The following KIF13A variants were observed in gnomAD, a reference collection of about 807,000 sequenced individuals.
KIF13A encodes kinesin family member 13A.
In KIF13A, 79 loss-of-function variants were observed where a neutral mutation model predicts 212.2. The ratio of observed to expected loss-of-function variants is 0.37; its 90% CI spans 0.31 to 0.45. The LOEUF (loss-of-function observed/expected upper bound fraction) is 0.45. Ranked by LOEUF, KIF13A falls within the 20% of genes least tolerant of loss-of-function variation. KIF13A has a pLI of 1.00. For missense variants in KIF13A, 1,901 were observed against 2,209.0 expected, an observed-to-expected ratio of 0.86 and a Z score of 2.79; for synonymous variants, 789 against 808.6, an observed-to-expected ratio of 0.98 and a Z score of 0.41.
At chr6:17,844,167 T>G (rs542918541) in intron 9 of KIF13A, among the ~76,000 whole-genome samples, 48 of 152,144 alleles carry the variant, frequency 3.2e-4, no homozygotes, top group Admixed American at 1.8e-3. Flanking sequence ...AAAGCAGAAA[T>G]GGAAAAGAAT....
At chr6:17,760,105 T>C (rs938773962), downstream of KIF13A, 88 of 152,316 alleles carry the variant, frequency 5.8e-4, 1 homozygote, top group Admixed American at 4.8e-3. Context: ...GGACAGAGAA[T>C]GGCAGCACGT....
intron 2 of KIF13A, among the ~76,000 whole-genome samples, chr6:17,962,401 GAGA>G (rs1199279916): frequency 1.3e-5 from 2 of 152,212 alleles, no homozygotes; most frequent in Admixed American, 6.5e-5. Context: ...AAAGGCTGAG[GAGA>G]AGAAGCAATA....
At position 17,865,334 on chromosome 6, in the gene KIF13A, A is replaced by AAT. The variant is rs1554186865; in HGVS notation, c.220+8042_220+8043insAT. Among the ~76,000 whole-genome samples, 180 of 116,720 alleles carry AAT rather than the reference A, an allele frequency of 1.5e-3. 2 individuals are homozygous for AAT. Among genetic ancestry groups the AAT allele is most frequent in the African/African-American group, 5.3e-3 (162 of 30,800 alleles). 76.6% of individuals were successfully genotyped at this position (116,720 alleles called of 152,430 possible). A position where few individuals can be genotyped will look rare whatever the true frequency, so the allele number is the denominator to read the frequency against. On this transcript the variant is annotated intron_variant, in intron 4 of 38. Transcript: ENST00000259711. ...AGAGTAGAGAGAGAGAGGAAAAAAA[A>AAT]AAAATAAAGGCTGGGCTCACTATTT...
At position 17,898,113 on chromosome 6, in the gene KIF13A, C is replaced by T; in HGVS notation, c.159+55G>A. The T allele has an allele frequency of 6.4e-7, 1 of 1,563,562 alleles. No homozygotes were observed. The highest frequency in any genetic ancestry group is 8.8e-7 in the Non-Finnish European group (1 of 1,137,978). On this transcript the variant is annotated intron_variant, in intron 3 of 38. Coordinates refer to ENST00000259711, the MANE Select transcript of KIF13A (RefSeq NM_022113.6). This position sits in a 1 kb window ranked among gnomAD's most constrained non-coding sequence, Gnocchi z 5.2. The stretch of plus-strand genomic sequence containing the variant: ...TCTACATGGGTTACAGTGATAAATC[C>T]TGGATTTTTGCACACTAAGCCAGTA...
In KIF13A at chr6:17,895,827, T is replaced by C. The variant is rs961751903; in HGVS notation, c.159+2341A>G. Among the ~76,000 whole-genome samples the C allele has an allele frequency of 1.3e-5, 2 of 152,240 alleles. No homozygotes were observed. Among genetic ancestry groups the C allele is most frequent in the Non-Finnish European group, 2.9e-5 (2 of 68,032 alleles). ...TCCAGTGCCTTCAAGCACAAGTTTT[T>C]AATATTTTGTCCAGTCCTAGTTGTC... On this transcript the variant is annotated intron_variant, in intron 3 of 38. Transcript: ENST00000259711. The surrounding 1 kb of genome is among the most constrained non-coding windows in gnomAD (Gnocchi z 4.4).
chr6:17,959,741 C>T lies in KIF13A; in HGVS notation c.146+27313G>A, dbSNP rs190191282. 7.2e-5 allele frequency among the ~76,000 whole-genome samples: 11 copies of T among 152,292 alleles called. No homozygotes were observed. In the East Asian group the frequency reaches 9.6e-4, roughly 13 times the overall value. ...CTTATTCAATTAAAAGCTATCAGTT[C>T]GGCTGGGCGCAGTGGCTCACGCCCG... On this transcript the variant is annotated intron_variant, in intron 2 of 38. Coordinates refer to ENST00000259711, the MANE Select transcript of KIF13A (RefSeq NM_022113.6).
intron 2 of KIF13A, among the ~76,000 whole-genome samples, chr6:17,978,840 C>T (rs764490933): frequency 6.6e-6 from 1 of 152,130 alleles, no homozygotes; most frequent in Admixed American, 6.6e-5. Context: ...TGGATTTCAC[C>T]ACCGGAAGCT....
chr6:17,785,485 A>G lies in KIF13A; in HGVS notation c.3488+30T>C, dbSNP rs1367489465. The G allele has an allele frequency of 6.7e-7, 1 of 1,501,806 alleles. No homozygotes were observed. The highest frequency in any genetic ancestry group is 8.8e-7 in the Non-Finnish European group (1 of 1,130,308). The allele number at this position is 1,501,806 out of a possible 1,614,324, so 93.0% of individuals were successfully genotyped here. ...CACAGGCGACCTGTACCATCTCCCC[A>G]GGTCTGCACAGAAGGGAGGGCAGCC... On this transcript the variant is annotated intron_variant, in intron 28 of 38. Coordinates refer to ENST00000259711, the MANE Select transcript of KIF13A (RefSeq NM_022113.6). This position sits in a 1 kb window ranked among gnomAD's most constrained non-coding sequence, Gnocchi z 5.8.
In KIF13A at chr6:17,799,383, A is replaced by C; in HGVS notation, c.2673T>G (p.Cys891Trp). The change falls in exon 22 of 39, where the codon TGT becomes TGG. Residue 891 changes from cysteine (C) to tryptophan (W), a missense_variant. By Grantham distance (215) the Cys-to-Trp change is radical (BLOSUM62 -2). Around this residue, in one of 5 missense-constraint regions of KIF13A, gnomAD observed 534 missense variants for 536.9 expected, o/e 0.99. Transcript: ENST00000259711. This position sits in a 1 kb window ranked among gnomAD's most constrained non-coding sequence, Gnocchi z 4.4. ...LPLNLSNFVFCQYTFWDQCES... is the reference protein window; with the variant it reads ...LPLNLSNFVFWQYTFWDQCES... ...CACACTGGTCCCAGAATGTGTATTG[A>C]CAGAAGACAAAATTTGAGAGGTTTA... 1 of 1,608,724 alleles carries C rather than the reference A, an allele frequency of 6.2e-7. No homozygotes were observed. Among genetic ancestry groups the C allele is most frequent in the Non-Finnish European group, 8.5e-7 (1 of 1,177,140 alleles).
intron 2 of KIF13A, among the ~76,000 whole-genome samples, chr6:17,978,088 T>C (rs1780743688): frequency 6.6e-6 from 1 of 152,234 alleles, no homozygotes; most frequent in Non-Finnish European, 1.5e-5. Context: ...TAACACTGGA[T>C]TCAATCAAAT....
chr6:17,846,413 A>G (rs551933260), intron 9 of KIF13A, among the ~76,000 whole-genome samples: 35 of 152,248 alleles, frequency 2.3e-4, no homozygotes, highest in African/African-American at 7.5e-4. Flanking sequence ...CTTAAAAAGG[A>G]AGATCATATC....
intron 3 of KIF13A, among the ~76,000 whole-genome samples, chr6:17,896,143 G>A (rs545994230): frequency 5.9e-5 from 9 of 152,034 alleles, no homozygotes; most frequent in South Asian, 2.1e-4. Context: ...TATGTCCCCC[G>A]AATACTGTAT....
chr6:17,778,968 C>T lies in KIF13A; in HGVS notation c.4071G>A (p.Leu1357=), dbSNP rs778320692. The T allele has an allele frequency of 1.9e-6, 3 of 1,603,798 alleles. No individual in the cohort carries two copies. Among genetic ancestry groups the T allele is most frequent in the East Asian group, 4.5e-5 (2 of 44,578 alleles). ...TRGVLQVENI[L]SLERLRQAVT... ...TTGCCTGCCGGAGCCGTTCAAGACT[C>T]AGAATGTTTTCCACCTGCAGCACGC... The change falls in exon 33 of 39, where the codon CTG becomes CTA. Residue 1357 remains leucine (L), a synonymous_variant. Coordinates refer to ENST00000259711, the MANE Select transcript of KIF13A (RefSeq NM_022113.6).
chr6:17,955,195 T>C (rs1778251528), intron 2 of KIF13A, among the ~76,000 whole-genome samples: 1 of 152,190 alleles, frequency 6.6e-6, no homozygotes. Context: ...TCTGGTCTAA[T>C]CTCCTTGATG....
In KIF13A at chr6:17,763,995, A is replaced by G; in HGVS notation, c.*115T>C. On this transcript the variant is annotated 3_prime_UTR_variant, in exon 39 of 39. Coordinates refer to ENST00000259711, the MANE Select transcript of KIF13A (RefSeq NM_022113.6). ...TCTCCGACAGAGACAGCTGTGCAGG[A>G]AGTGAGCCTGCTTCTCTGTGGGCTC... 2 of 1,463,472 alleles carry G rather than the reference A, an allele frequency of 1.4e-6. No homozygotes were observed. Among genetic ancestry groups the G allele is most frequent in the Non-Finnish European group, 1.8e-6 (2 of 1,106,918 alleles). 90.7% of individuals were successfully genotyped at this position (1,463,472 alleles called of 1,614,324 possible).
chr6:17,884,570 G>C (rs77712189), intron 3 of KIF13A, among the ~76,000 whole-genome samples: 5,109 of 152,290 alleles, frequency 0.034, 297 homozygotes, highest in African/African-American at 0.12. Flanking sequence ...ATGTGTGTGG[G>C]AGTTGCTACA....
At chr6:17,903,831 C>T (rs1034333746) in intron 2 of KIF13A, among the ~76,000 whole-genome samples, 9 of 151,954 alleles carry the variant, frequency 5.9e-5, no homozygotes, top group Admixed American at 3.3e-4. Context: ...ATGGGGGGAG[C>T]GGGGGAACAC....
In KIF13A at chr6:17,825,781, G is replaced by C; in HGVS notation, c.1773C>G (p.Thr591=). 1 of 1,613,658 alleles carries C rather than the reference G, an allele frequency of 6.2e-7. No individual in the cohort carries two copies. The highest frequency in any genetic ancestry group is 8.5e-7 in the Non-Finnish European group (1 of 1,179,810). The change falls in exon 16 of 39, where the codon ACC becomes ACG. Residue 591 remains threonine (T), a synonymous_variant. Coordinates refer to ENST00000259711, the MANE Select transcript of KIF13A (RefSeq NM_022113.6). This position sits in a 1 kb window ranked among gnomAD's most constrained non-coding sequence, Gnocchi z 4.5. ...EFAQMEVIMK[T]LNSNDPVQNV... ...TGAGGGTCTTACCATTACTATTCAG[G>C]GTTTTCATGATAACTTCCATCTGTG...
rs1034639998 is a variant in KIF13A, at chr6:17,829,409, C to T, written c.1402-1039G>A. On this transcript the variant is annotated intron_variant, in intron 13 of 38. Coordinates refer to ENST00000259711, the MANE Select transcript of KIF13A (RefSeq NM_022113.6). The surrounding 1 kb of genome is among the most constrained non-coding windows in gnomAD (Gnocchi z 5.4). ...TTAAAGTAGTTTTGACCTCACAGGC[C>T]TCATGAAAGGTTCTCAGAGACCCCA... Among the ~76,000 whole-genome samples, 1 of 152,126 alleles carries T rather than the reference C, an allele frequency of 6.6e-6. No individual in the cohort carries two copies. Among genetic ancestry groups the T allele is most frequent in the African/African-American group, 2.4e-5 (1 of 41,422 alleles).
Sources: allele counts gnomAD v4.1 joint callset (sites outside exome capture counted in the v4.1 genomes callset), GRCh38; gene constraint gnomAD v4.1.1; regional missense constraint gnomAD v4.1.1; non-coding constraint Gnocchi (gnomAD v3.1); transcripts MANE v1.5; gene names NCBI Gene and HGNC (gene_info 2026-07-23, HGNC 2026-07-21).